The following RER1 variants were observed in gnomAD, a reference collection of about 807,000 sequenced individuals.
RER1 encodes protein RER1.
In RER1, 6 loss-of-function variants were observed where a neutral mutation model predicts 28.3. The ratio of observed to expected loss-of-function variants is 0.21; its 90% CI spans 0.12 to 0.42. The LOEUF (loss-of-function observed/expected upper bound fraction) is 0.42. RER1 is among the 10% of genes least tolerant of loss of function. The probability of loss-of-function intolerance (pLI) is 1.00; values close to 1 mark genes in which losing one functional copy is unlikely to be tolerated. For missense variants in RER1, 159 were observed against 252.9 expected (o/e 0.63, Z 2.52); for synonymous variants, 110 against 95.9 (o/e 1.15, Z -0.86).
intron 4 of RER1, among the ~76,000 whole-genome samples, chr1:2,400,447 C>T (rs1032800267): frequency 2.0e-5 from 3 of 152,224 alleles, no homozygotes; most frequent in Non-Finnish European, 4.4e-5. Context: ...TGAGAGTGGG[C>T]TTGGCACAGC....
chr1:2,398,925 A>G (rs912918160), intron 3 of RER1, among the ~76,000 whole-genome samples: 2 of 152,118 alleles, frequency 1.3e-5, no homozygotes, highest in East Asian at 3.9e-4. Flanking sequence ...GTTTTTGGCA[A>G]TGTGAATTGT....
chr1:2,395,618 G>A, intron 1 of RER1, 166 bp from the exon 2 acceptor site: 1 of 621,656 alleles, frequency 1.6e-6, no homozygotes, highest in Non-Finnish European at 2.9e-6. Flanking sequence ...GGAAGCCTGT[G>A]TACCTGCTAC....
intron 5 of RER1, 186 bp from the exon 6 acceptor site, chr1:2,402,021 G>A: frequency 6.5e-7 from 1 of 1,533,030 alleles, no homozygotes; most frequent in South Asian, 1.2e-5. Context: ...CTGTGGTTAG[G>A]GCAGTACATG....
Position 2,404,214 on chromosome 1 carries a change from G to A in RER1, c.*1090G>A, listed in dbSNP as rs1273093133. On this transcript the variant is annotated 3_prime_UTR_variant, in exon 7 of 7. Transcript: ENST00000605895. ...CTGTCTCAGAATTGACACGGTGAAT[G>A]CTTAGTGTCTGGATTTTCTTGTACC... is the stretch of plus-strand genomic sequence containing the variant. 6.6e-6 allele frequency: 1 copy of A among 152,216 alleles called. No individual in the cohort carries two copies. The highest frequency in any genetic ancestry group is 2.4e-5 in the African/African-American group (1 of 41,450). The allele number at this position is 152,216 out of a possible 1,614,324, so 9.4% of individuals were successfully genotyped here.
chr1:2,403,343 T>A lies in RER1; in HGVS notation c.*219T>A. On this transcript the variant is annotated 3_prime_UTR_variant, in exon 7 of 7. Transcript: ENST00000605895. ...TTTTTCAGTGACGTTCAAGTGTTTCTCACGGATGGAATTCTAGTCAGCTGC... is the reference window on the plus strand; with the variant it reads ...TTTTTCAGTGACGTTCAAGTGTTTCACACGGATGGAATTCTAGTCAGCTGC... 2.0e-6 allele frequency: 1 copy of A among 491,256 alleles called. No individual in the cohort carries two copies. The highest frequency in any genetic ancestry group is 3.7e-6 in the Non-Finnish European group (1 of 268,520). 30.4% of individuals were successfully genotyped at this position (491,256 alleles called of 1,614,324 possible). A position where few individuals can be genotyped will look rare whatever the true frequency, so the allele number is the denominator to read the frequency against.
chr1:2,405,306 C>T lies in RER1; in HGVS notation c.*2182C>T. 5 of 324,830 alleles carry T rather than the reference C, an allele frequency of 1.5e-5. No individual in the cohort carries two copies. The highest frequency in any genetic ancestry group is 1.3e-4 in the South Asian group (5 of 39,570). The allele number at this position is 324,830 out of a possible 1,614,324, so 20.1% of individuals were successfully genotyped here. On this transcript the variant is annotated 3_prime_UTR_variant, in exon 7 of 7. Coordinates refer to ENST00000605895, the MANE Select transcript of RER1 (RefSeq NM_007033.5). ...CCGTGGGGCTGCTGTTCTCACTGCA[C>T]TGGCTGAAGCAACCCGCCAGCCTCC...
At chr1:2,392,812 A>G (rs1642704674) in intron 1 of RER1, among the ~76,000 whole-genome samples, 1 of 152,236 alleles carries the variant, frequency 6.6e-6, no homozygotes, top group African/African-American at 2.4e-5. Context: ...TGTCAGAGCC[A>G]GGTGGAGATA....
intron 3 of RER1, among the ~76,000 whole-genome samples, chr1:2,398,477 C>T (rs546202787): frequency 1.3e-5 from 2 of 152,338 alleles, no homozygotes; most frequent in East Asian, 3.9e-4. Flanking sequence ...CAACCTCCAC[C>T]TCCTGGGTTC....
chr1:2,397,198 T>C lies in RER1; in HGVS notation c.164T>C (p.Met55Thr). The C allele has an allele frequency of 3.1e-6, 5 of 1,613,852 alleles. No homozygotes were observed. The highest frequency in any genetic ancestry group is 4.2e-6 in the Non-Finnish European group (5 of 1,179,720). Residue 55 changes from methionine to threonine, a missense_variant, in exon 3 of 7, where the codon ATG (methionine) becomes ACG (threonine). Met to Thr is a moderately conservative substitution (Grantham distance 81, BLOSUM62 -1). Transcript: ENST00000605895. The stretch of plus-strand genomic sequence containing the variant: ...ACACTGGGCCTGAGCTTTGTCTACA[T>C]GATTCGAGTTTACCTGCTGCAGGTA... ...VVTLGLSFVY[M>T]IRVYLLQGWY...
intron 3 of RER1, among the ~76,000 whole-genome samples, chr1:2,398,267 G>A (rs939936839): frequency 2.0e-5 from 3 of 152,234 alleles, no homozygotes; most frequent in Admixed American, 1.3e-4. Flanking sequence ...CACATCCGGC[G>A]TTCAGCCAGG....
chr1:2,401,971 G>C (rs1642869051), intron 5 of RER1: 1 of 1,452,220 alleles, frequency 6.9e-7, no homozygotes, highest in Non-Finnish European at 9.2e-7. Context: ...GTAGTTTTAA[G>C]AAGAATTGTG....
intron 3 of RER1, among the ~76,000 whole-genome samples, 158 bp downstream of exon 3, chr1:2,397,378 C>T (rs1216597453): frequency 3.3e-5 from 5 of 152,180 alleles, no homozygotes; most frequent in Non-Finnish European, 5.9e-5. Flanking sequence ...CAGTGACTGT[C>T]TTTAACGAAC....
At chr1:2,392,545 C>T (rs1642696996) in intron 1 of RER1, among the ~76,000 whole-genome samples, 1 of 152,194 alleles carries the variant, frequency 6.6e-6, no homozygotes, top group Non-Finnish European at 1.5e-5. Context: ...ATAAAGGTAT[C>T]GTTCGTTTCT....
chr1:2,397,346 A>G, intron 3 of RER1, 126 bp downstream of exon 3: 1 of 684,686 alleles, frequency 1.5e-6, no homozygotes. Flanking sequence ...TTTCAGCTAA[A>G]CGCCAAATGT....
chr1:2,404,809 C>G lies in RER1; in HGVS notation c.*1685C>G, dbSNP rs533795387. 6.6e-6 allele frequency: 1 copy of G among 152,458 alleles called. No individual in the cohort carries two copies. Among genetic ancestry groups the G allele is most frequent in the South Asian group, 2.1e-4 (1 of 4,834 alleles). The allele number at this position is 152,458 out of a possible 1,614,324, so 9.4% of individuals were successfully genotyped here. A position where few individuals can be genotyped will look rare whatever the true frequency, so the allele number is the denominator to read the frequency against. On this transcript the variant is annotated 3_prime_UTR_variant, in exon 7 of 7. Coordinates refer to ENST00000605895, the MANE Select transcript of RER1 (RefSeq NM_007033.5). Reference sequence around the variant, plus strand: ...CTCAAGTTCCATCTTGTGTTAGTAACGTACCCACATTTTGCTGGAGTTAGT... The same window carrying G: ...CTCAAGTTCCATCTTGTGTTAGTAAGGTACCCACATTTTGCTGGAGTTAGT...
chr1:2,402,422 G>A (rs1642879980), intron 6 of RER1, 80 bp downstream of exon 6: 4 of 1,573,986 alleles, frequency 2.5e-6, no homozygotes, highest in African/African-American at 1.3e-5. Flanking sequence ...GTGCTGGGCT[G>A]TGGTGGGTGG....
chr1:2,400,774 A>T, intron 4 of RER1, 83 bp from the exon 5 acceptor site: 2 of 1,128,192 alleles, frequency 1.8e-6, no homozygotes, highest in Non-Finnish European at 2.7e-6. Flanking sequence ...GAGGCCTGCT[A>T]GTCCAAAGCC....
rs565402582 is a variant in RER1, at chr1:2,401,924, G to A, written c.366-283G>A. On this transcript the variant is annotated intron_variant, in intron 5 of 6. Transcript: ENST00000605895. ...ATCGCAGGCCCAGCCAGCAGGCATG[G>A]GGCCCCCAGCCTCAGTACTGATGCT... 6 of 1,277,888 alleles carry A rather than the reference G, an allele frequency of 4.7e-6. No homozygotes were observed. In the Admixed American group the frequency reaches 1.4e-4, roughly 30 times the overall value. The allele number at this position is 1,277,888 out of a possible 1,614,324, so 79.2% of individuals were successfully genotyped here. A position where few individuals can be genotyped will look rare whatever the true frequency, so the allele number is the denominator to read the frequency against.
chr1:2,399,014 G>A (rs1642807867), intron 3 of RER1, among the ~76,000 whole-genome samples: 1 of 152,182 alleles, frequency 6.6e-6, no homozygotes, highest in Non-Finnish European at 1.5e-5. Context: ...GCTGCTCCTG[G>A]GTGGGGCTCT....
Sources: allele counts gnomAD v4.1 joint callset (sites outside exome capture counted in the v4.1 genomes callset), GRCh38; gene constraint gnomAD v4.1.1; transcripts MANE v1.5; gene names NCBI Gene and HGNC (gene_info 2026-07-23, HGNC 2026-07-21).